GPC5: variants seen among roughly 807,000 people sequenced by gnomAD.
The protein encoded by GPC5 is glypican 5, also known as glypican-5.
A neutral mutation model predicts 53.9 loss-of-function variants in GPC5; 47 were observed. The ratio of observed to expected loss-of-function variants is 0.87; its 90% CI spans 0.69 to 1.11. GPC5 has a LOEUF of 1.11. Ranked by LOEUF, GPC5 falls within the 50% of genes most tolerant of loss-of-function variation. GPC5 has a pLI of 0.00. For synonymous variants in GPC5, 286 were observed against 263.3 expected, an observed-to-expected ratio of 1.09 and a Z score of -0.84; for missense variants, 748 against 713.1, an observed-to-expected ratio of 1.05 and a Z score of -0.56.
At chr13:92,471,453 T>A (rs1419550150) in intron 7 of GPC5, among the ~76,000 whole-genome samples, 1 of 152,034 alleles carries the variant, frequency 6.6e-6, no homozygotes, top group African/African-American at 2.4e-5. Context: ...TGAGGTCTTT[T>A]GGTTACTTAT....
rs532014894 is a variant in GPC5, at chr13:92,388,909, T to C, written c.1561+243920T>C. 3.9e-5 allele frequency among the ~76,000 whole-genome samples: 6 copies of C among 152,226 alleles called. No homozygotes were observed. In the South Asian group the frequency reaches 1.2e-3, roughly 32 times the overall value. On this transcript the variant is annotated intron_variant, in intron 7 of 7. Transcript: ENST00000377067. ...GTATGTTTTTGTCTGTGTTCAAAAA[T>C]GGTTATGGGATAGTGCTGTTTTTGT...
intron 2 of GPC5, among the ~76,000 whole-genome samples, chr13:91,548,945 C>G (rs2030457638): frequency 6.6e-6 from 1 of 152,038 alleles, no homozygotes; most frequent in African/African-American, 2.4e-5. Context: ...TCACAAAAAT[C>G]AACTCAAAGT....
intron 2 of GPC5, among the ~76,000 whole-genome samples, chr13:91,627,640 C>T (rs2034042756): frequency 6.6e-6 from 1 of 151,970 alleles, no homozygotes; most frequent in Non-Finnish European, 1.5e-5. Flanking sequence ...GAAAAAATGA[C>T]ACACTGGGGA....
intron 7 of GPC5, among the ~76,000 whole-genome samples, chr13:92,757,494 A>G (rs1279865339): frequency 2.0e-5 from 3 of 152,174 alleles, no homozygotes; most frequent in Admixed American, 2.0e-4. Context: ...ATCTAATTAA[A>G]CTAAAGAGCT....
intron 6 of GPC5, among the ~76,000 whole-genome samples, chr13:91,919,579 A>G (rs1459398831): frequency 6.6e-6 from 1 of 152,216 alleles, no homozygotes; most frequent in Non-Finnish European, 1.5e-5. Flanking sequence ...ATATTCACAG[A>G]AGTTTACTTA....
chr13:92,269,196 G>T (rs1316420317), intron 7 of GPC5, among the ~76,000 whole-genome samples: 1 of 151,880 alleles, frequency 6.6e-6, no homozygotes, highest in African/African-American at 2.4e-5. Context: ...ATAATGCTTG[G>T]ATCCTTTATC....
In GPC5 at chr13:92,786,707, G is replaced by A. The variant is rs144969803; in HGVS notation, c.1562-79575G>A. Among the ~76,000 whole-genome samples the A allele has an allele frequency of 4.6e-5, 7 of 152,184 alleles. No individual in the cohort carries two copies. The East Asian group carries it at 1.2e-3, about 25-fold the overall frequency. On this transcript the variant is annotated intron_variant, in intron 7 of 7. Coordinates refer to ENST00000377067, the MANE Select transcript of GPC5 (RefSeq NM_004466.6). Reference sequence around the variant, plus strand: ...AATAATAAACATCAAATGTAGCCACGTTCAAGGACAAAGTAATACTCTATA... The same window carrying A: ...AATAATAAACATCAAATGTAGCCACATTCAAGGACAAAGTAATACTCTATA...
chr13:92,600,277 A>G (rs1314314007), intron 7 of GPC5, among the ~76,000 whole-genome samples: 1 of 151,982 alleles, frequency 6.6e-6, no homozygotes, highest in African/African-American at 2.4e-5. Flanking sequence ...ATCATCTTGT[A>G]TGTGCTTTGA....
chr13:91,468,828 C>T (rs1882414714), intron 2 of GPC5, among the ~76,000 whole-genome samples: 1 of 144,914 alleles, frequency 6.9e-6, no homozygotes, highest in Non-Finnish European at 1.5e-5. Context: ...CCAATAAAAT[C>T]TTTACTATTC....
chr13:92,516,835 G>T (rs976804317), intron 7 of GPC5, among the ~76,000 whole-genome samples: 1 of 152,140 alleles, frequency 6.6e-6, no homozygotes, highest in African/African-American at 2.4e-5. Flanking sequence ...GTGGGGGCAG[G>T]ACAGTGGGTG....
intron 7 of GPC5, among the ~76,000 whole-genome samples, chr13:92,741,388 T>A (rs1391730549): frequency 6.6e-6 from 1 of 151,956 alleles, no homozygotes; most frequent in African/African-American, 2.4e-5. Flanking sequence ...TTCCTGGGAC[T>A]CTGCAGAGAG....
chr13:91,995,408 A>G (rs2040495051), intron 6 of GPC5: 1 of 152,202 alleles, frequency 6.6e-6, no homozygotes, highest in South Asian at 2.1e-4. Flanking sequence ...CAAACTAGAA[A>G]AGGTAAAAAA....
chr13:92,518,208 A>G (rs895448763), intron 7 of GPC5, among the ~76,000 whole-genome samples: 38 of 152,322 alleles, frequency 2.5e-4, no homozygotes, highest in African/African-American at 8.7e-4. Flanking sequence ...ACTCTTCAGG[A>G]TATTACCCAG....
intron 6 of GPC5, among the ~76,000 whole-genome samples, chr13:91,935,623 T>A (rs1306414293): frequency 6.6e-6 from 1 of 152,026 alleles, no homozygotes; most frequent in Non-Finnish European, 1.5e-5. Context: ...TGAGACACAT[T>A]GTATCAGGAA....
intron 6 of GPC5, among the ~76,000 whole-genome samples, chr13:91,922,918 T>A (rs556150461): frequency 6.6e-6 from 1 of 152,290 alleles, no homozygotes; most frequent in South Asian, 2.1e-4. Flanking sequence ...CTCTCTAGCT[T>A]TTTCTGGGTG....
rs1353587242 is a variant in GPC5 at position 91,921,376 on chromosome 13, T to C, written c.1401+13319T>C. On this transcript the variant is annotated intron_variant, in intron 6 of 7. Coordinates refer to ENST00000377067, the MANE Select transcript of GPC5 (RefSeq NM_004466.6). ...AGGATGACTGTGAGAGGAAGTTTTCTAAGTCAAAAAAAATTAATAACTTAA... is the reference window on the plus strand; with the variant it reads ...AGGATGACTGTGAGAGGAAGTTTTCCAAGTCAAAAAAAATTAATAACTTAA... 2.0e-5 allele frequency among the ~76,000 whole-genome samples: 3 copies of C among 152,144 alleles called. No individual in the cohort carries two copies. In the East Asian group the frequency reaches 5.8e-4, roughly 29 times the overall value.
intron 7 of GPC5, among the ~76,000 whole-genome samples, chr13:92,239,041 G>C (rs574214462): frequency 5.0e-4 from 75 of 151,292 alleles, no homozygotes; most frequent in Admixed American, 9.9e-4. Flanking sequence ...TGTTGAAAAA[G>C]TAATTGACTA....
At chr13:91,881,057 C>A (rs964944108) in intron 5 of GPC5, among the ~76,000 whole-genome samples, 2 of 152,028 alleles carry the variant, frequency 1.3e-5, no homozygotes, top group African/African-American at 4.8e-5. Context: ...TCCCAAAATG[C>A]GGGGATTACA....
At chr13:91,820,692 G>A (rs1235684000) in intron 5 of GPC5, among the ~76,000 whole-genome samples, 1 of 152,136 alleles carries the variant, frequency 6.6e-6, no homozygotes, top group Non-Finnish European at 1.5e-5. Context: ...GGCCGGGCGC[G>A]GTGGCTCACG....
Sources: gnomAD v4.1 joint callset for allele counts (sites outside exome capture counted in the v4.1 genomes callset) on GRCh38, gnomAD v4.1.1 for gene constraint, MANE v1.5 for transcripts, NCBI Gene and HGNC (gene_info 2026-07-23, HGNC 2026-07-21) for gene names.